The following MPZL1 variants were observed in gnomAD, a reference collection of about 807,000 sequenced individuals.
MPZL1 encodes the protein myelin protein zero like 1.
In MPZL1, 16 loss-of-function variants were observed where a neutral mutation model predicts 29.3. The observed-to-expected ratio is 0.55, with a 90% confidence interval of 0.37 to 0.83. MPZL1 has a LOEUF of 0.83. Among genes scored for constraint, MPZL1 ranks in the 40% least tolerant of loss-of-function variants. The probability of loss-of-function intolerance (pLI) is 0.00; values close to 1 mark genes in which losing one functional copy is unlikely to be tolerated. For synonymous variants in MPZL1, 143 were observed against 132.0 expected, an observed-to-expected ratio of 1.08 and a Z score of -0.57; for missense variants, 279 against 332.9, an observed-to-expected ratio of 0.84 and a Z score of 1.26.
At chr1:167,780,292 A>C (rs1309474548) in intron 5 of MPZL1, among the ~76,000 whole-genome samples, 1 of 152,196 alleles carries the variant, frequency 6.6e-6, no homozygotes, top group East Asian at 1.9e-4. Context: ...TGTGCCAATA[A>C]AAGGTGGAGA....
chr1:167,780,119 A>G (rs1191920728), intron 5 of MPZL1, among the ~76,000 whole-genome samples: 2 of 152,196 alleles, frequency 1.3e-5, no homozygotes, highest in Non-Finnish European at 1.5e-5. Flanking sequence ...TTTCAACAAG[A>G]AACTTTAATG....
At chr1:167,785,251 G>A (rs187679143) in intron 5 of MPZL1, among the ~76,000 whole-genome samples, 1 of 152,330 alleles carries the variant, frequency 6.6e-6, no homozygotes, top group African/African-American at 2.4e-5. Context: ...GTCTACAGTG[G>A]TCTCACTTAC....
At chr1:167,776,303 G>A (rs934207668) in intron 5 of MPZL1, 137 bp downstream of exon 5, 33 of 532,416 alleles carry the variant, frequency 6.2e-5, no homozygotes, top group Non-Finnish European at 9.1e-5. Flanking sequence ...AAGAGAGAGT[G>A]GGAGTGAGGA....
At chr1:167,727,533 G>A (rs908676154) in intron 1 of MPZL1, among the ~76,000 whole-genome samples, 3 of 152,136 alleles carry the variant, frequency 2.0e-5, no homozygotes, top group Admixed American at 2.0e-4. Context: ...CATCGAAGAC[G>A]GTATAATTAT....
In MPZL1 at chr1:167,767,557, A is replaced by G. The variant is rs117198452; in HGVS notation, c.258+1808A>G. Among the ~76,000 whole-genome samples, 10 of 152,354 alleles carry G rather than the reference A, an allele frequency of 6.6e-5. No individual in the cohort carries two copies. The East Asian group carries it at 1.9e-3, about 29-fold the overall frequency. On this transcript the variant is annotated intron_variant, in intron 2 of 5. Coordinates refer to ENST00000359523, the MANE Select transcript of MPZL1 (RefSeq NM_003953.6). ...TATACTTACACACGAGTCTGATTGC[A>G]GTTAATCCCAGCATGTTCAGTTATT...
At chr1:167,778,861 CAT>C (rs1187263878) in intron 5 of MPZL1, among the ~76,000 whole-genome samples, 1 of 151,720 alleles carries the variant, frequency 6.6e-6, no homozygotes, top group East Asian at 1.9e-4. Flanking sequence ...AACTTGAAGA[CAT>C]AGCAATAGAA....
At chr1:167,776,264 A>T (rs1571169209) in intron 5 of MPZL1, 98 bp downstream of exon 5, 1 of 730,670 alleles carries the variant, frequency 1.4e-6, no homozygotes, top group East Asian at 3.1e-5. Flanking sequence ...GCTATGAGAG[A>T]CAGAGACAGA....
At chr1:167,760,933 A>G (rs187697087) in intron 1 of MPZL1, among the ~76,000 whole-genome samples, 1 of 152,282 alleles carries the variant, frequency 6.6e-6, no homozygotes, top group Admixed American at 6.5e-5. Context: ...CAATGAGATA[A>G]GAGAATCAAG....
At chr1:167,729,803 C>G (rs1003220439) in intron 1 of MPZL1, among the ~76,000 whole-genome samples, 1 of 152,214 alleles carries the variant, frequency 6.6e-6, no homozygotes, top group African/African-American at 2.4e-5. Context: ...TGTGCCACGC[C>G]TTTGCTAAAC....
In MPZL1 at chr1:167,753,850, G is replaced by A. The variant is rs558182404; in HGVS notation, c.92-11733G>A. Among the ~76,000 whole-genome samples, 3 of 152,088 alleles carry A rather than the reference G, an allele frequency of 2.0e-5. No homozygotes were observed. The South Asian group carries it at 6.2e-4, about 32-fold the overall frequency. ...TCACCATGTTGGCCAGGTTGGTCTC[G>A]AACTCCTGACCTCAGGTGATCCACC... On this transcript the variant is annotated intron_variant, in intron 1 of 5. Transcript: ENST00000359523.
intron 2 of MPZL1, among the ~76,000 whole-genome samples, chr1:167,768,921 A>G (rs1475218601): frequency 1.3e-5 from 2 of 152,212 alleles, no homozygotes; most frequent in Non-Finnish European, 2.9e-5. Flanking sequence ...ATTCATTTGC[A>G]AAGCTGAGAG....
At chr1:167,739,274 C>CATATATATATATATATATATATAT (rs201991698) in intron 1 of MPZL1, among the ~76,000 whole-genome samples, 6 of 83,298 alleles carry the variant, frequency 7.2e-5, no homozygotes, top group African/African-American at 2.0e-4. Flanking sequence ...TACATATATA[C>CATATATATATATATATATATATAT]ATATATACAT....
intron 1 of MPZL1, among the ~76,000 whole-genome samples, chr1:167,759,570 A>G (rs899429151): frequency 2.0e-5 from 3 of 152,248 alleles, no homozygotes; most frequent in African/African-American, 7.2e-5. Flanking sequence ...GTAGTTGGTC[A>G]GAAACTGCGG....
At chr1:167,766,341 G>T (rs1476852710) in intron 2 of MPZL1, among the ~76,000 whole-genome samples, 1 of 152,220 alleles carries the variant, frequency 6.6e-6, no homozygotes, top group Admixed American at 6.5e-5. Context: ...AGGTTATTTA[G>T]TAACTAGTGG....
intron 2 of MPZL1, among the ~76,000 whole-genome samples, chr1:167,769,956 T>G (rs1661202835): frequency 1.3e-5 from 2 of 152,278 alleles, no homozygotes; most frequent in Admixed American, 1.3e-4. Context: ...CAAGGATGAC[T>G]TCAAGATTTA....
intron 1 of MPZL1, among the ~76,000 whole-genome samples, chr1:167,729,301 T>G (rs754820843): frequency 3.2e-4 from 48 of 152,108 alleles, no homozygotes; most frequent in Middle Eastern, 6.8e-3. Context: ...ATGCTGTTAT[T>G]AAAATTAAGA....
At position 167,723,791 on chromosome 1, in the gene MPZL1, G is replaced by C. The variant is rs145550324; in HGVS notation, c.91+1549G>C. On this transcript the variant is annotated intron_variant, in intron 1 of 5. Coordinates refer to ENST00000359523, the MANE Select transcript of MPZL1 (RefSeq NM_003953.6). ...TGATATGTAAAAATCAGCAGCTGAT[G>C]TTATTGGTTCAACTTAGAAAATTAT... Among the ~76,000 whole-genome samples the C allele has an allele frequency of 2.6e-5, 4 of 152,352 alleles. No individual in the cohort carries two copies. In the East Asian group the frequency reaches 7.7e-4, roughly 29 times the overall value.
intron 5 of MPZL1, among the ~76,000 whole-genome samples, 180 bp from the exon 6 acceptor site, chr1:167,787,640 A>G (rs1247589035): frequency 6.6e-6 from 1 of 152,216 alleles, no homozygotes; most frequent in Non-Finnish European, 1.5e-5. Context: ...CGTATGTCCA[A>G]TCTTGTTTCA....
rs973667968 is a variant in MPZL1 at position 167,779,136 on chromosome 1, GA to G, written c.708+2978del. ...GACTCTGTCTCAAAAAAGAAAAAAAGAAAAAAAAGAAAGTGAACAGAGCTTC... is the reference window on the plus strand; with the variant it reads ...GACTCTGTCTCAAAAAAGAAAAAAAGAAAAAAAGAAAGTGAACAGAGCTTC... On this transcript the variant is annotated intron_variant, in intron 5 of 5. Coordinates refer to ENST00000359523, the MANE Select transcript of MPZL1 (RefSeq NM_003953.6). 5.0e-4 allele frequency among the ~76,000 whole-genome samples: 74 copies of G among 149,010 alleles called. 1 individual carries two copies. The highest frequency in any genetic ancestry group is 1.8e-3 in the African/African-American group (72 of 40,580).
Sources: gnomAD v4.1 joint callset for allele counts (sites outside exome capture counted in the v4.1 genomes callset) on GRCh38, gnomAD v4.1.1 for gene constraint, MANE v1.5 for transcripts, NCBI Gene and HGNC (gene_info 2026-07-23, HGNC 2026-07-21) for gene names.